PRELID2: variants seen among roughly 807,000 people sequenced by gnomAD.
PRELID2 encodes the protein PRELI domain containing 2, also known as PRELI domain-containing protein 2.
In PRELID2, 25 loss-of-function variants were observed where a neutral mutation model predicts 28.4. The ratio of observed to expected loss-of-function variants is 0.88; its 90% CI spans 0.64 to 1.23. The LOEUF is 1.23. Among genes scored for constraint, PRELID2 ranks in the 50% most tolerant of loss-of-function variants. The pLI, the probability that PRELID2 is intolerant of heterozygous loss-of-function variation, is 0.00. For synonymous variants in PRELID2, 76 were observed against 71.6 expected (o/e 1.06, Z -0.31); for missense variants, 201 against 214.4 (o/e 0.94, Z 0.39).
chr5:145,460,141 G>A, the PRELID2 span, among the ~76,000 whole-genome samples: 1 of 152,234 alleles, frequency 6.6e-6, no homozygotes, highest in East Asian at 1.9e-4. Flanking sequence ...ATGACCAAGA[G>A]TTATCACAAT....
chr5:145,407,487 C>T, the PRELID2 span, among the ~76,000 whole-genome samples: 4 of 152,112 alleles, frequency 2.6e-5, no homozygotes, highest in African/African-American at 9.7e-5. Flanking sequence ...CTCAGACATG[C>T]CTAACCCTGC....
chr5:145,624,380 T>A (rs1316861258), intron 1 of PRELID2, among the ~76,000 whole-genome samples: 1 of 152,204 alleles, frequency 6.6e-6, no homozygotes, highest in African/African-American at 2.4e-5. Flanking sequence ...CTTCTAATCA[T>A]GTCTTGGTCT....
intron 1 of PRELID2, among the ~76,000 whole-genome samples, chr5:145,741,947 ATTTATTAT>A (rs1561568803): frequency 3.0e-4 from 2 of 6,618 alleles, no homozygotes; most frequent in Non-Finnish European, 1.8e-3. Flanking sequence ...AAATAAATAA[ATTTATTAT>A]AATTAAATAA....
the PRELID2 span, among the ~76,000 whole-genome samples, chr5:145,291,062 G>A: frequency 4.8e-4 from 73 of 151,708 alleles, no homozygotes; most frequent in Admixed American, 7.9e-4. Flanking sequence ...AAAAGGGGTC[G>A]GACGCGGTGG....
intron 5 of PRELID2, among the ~76,000 whole-genome samples, chr5:145,770,803 T>C (rs371850546): frequency 1.2e-4 from 19 of 152,176 alleles, no homozygotes; most frequent in East Asian, 7.7e-4. Flanking sequence ...TAAAGCAAAA[T>C]ACTTTTGCAT....
chr5:145,332,481 C>G, the PRELID2 span, among the ~76,000 whole-genome samples: 2 of 151,870 alleles, frequency 1.3e-5, no homozygotes, highest in Non-Finnish European at 2.9e-5. Context: ...ATTCTTTTTT[C>G]TCTAATCCTG....
chr5:145,369,089 A>G, the PRELID2 span, among the ~76,000 whole-genome samples: 1,444 of 151,900 alleles, frequency 9.5e-3, 20 homozygotes, highest in African/African-American at 0.033. Flanking sequence ...TTCCTGTGTT[A>G]ATTTGCTAAA....
chr5:145,402,056 T>C, the PRELID2 span, among the ~76,000 whole-genome samples: 3 of 152,304 alleles, frequency 2.0e-5, no homozygotes, highest in East Asian at 5.8e-4. Context: ...TGAGGCGCCT[T>C]ATTCATCACC....
intron 1 of PRELID2, among the ~76,000 whole-genome samples, chr5:145,510,432 C>T (rs961784105): frequency 2.0e-5 from 3 of 152,174 alleles, no homozygotes; most frequent in Admixed American, 1.3e-4. Flanking sequence ...GAGGGCTCTT[C>T]CTAGCGGCCT....
intron 1 of PRELID2, among the ~76,000 whole-genome samples, chr5:145,525,240 A>G (rs146457895): frequency 6.6e-6 from 1 of 152,306 alleles, no homozygotes; most frequent in Non-Finnish European, 1.5e-5. Context: ...AAATTAGGCC[A>G]ATCTCACAGC....
At chr5:145,261,612 C>T in the PRELID2 span, among the ~76,000 whole-genome samples, 3 of 152,162 alleles carry the variant, frequency 2.0e-5, no homozygotes, top group Non-Finnish European at 1.5e-5. Flanking sequence ...CAGTTCAGCT[C>T]TCAGGAATTC....
intron 1 of PRELID2, among the ~76,000 whole-genome samples, chr5:145,488,034 G>A (rs1043227800): frequency 8.3e-5 from 12 of 144,532 alleles, no homozygotes; most frequent in African/African-American, 3.1e-4. Context: ...TGAGGCAGGA[G>A]AATCGCTTGA....
At chr5:145,681,475 A>G (rs1279928059) in intron 1 of PRELID2, among the ~76,000 whole-genome samples, 3 of 152,196 alleles carry the variant, frequency 2.0e-5, no homozygotes, top group Admixed American at 6.5e-5. Context: ...ATAAATGTTT[A>G]TGAAGGCTCT....
intron 1 of PRELID2, among the ~76,000 whole-genome samples, chr5:145,622,682 T>C (rs1354364577): frequency 6.6e-6 from 1 of 152,158 alleles, no homozygotes; most frequent in Non-Finnish European, 1.5e-5. Context: ...TATTTGAACT[T>C]TCTTTAGTTA....
chr5:145,631,469 A>G lies in PRELID2; in HGVS notation n.70+133462T>C, dbSNP rs575066313. ...ACATTTACAAAGTGGGAATCGCAAT[A>G]TCTTTCTTCCTTATCCTACAGGCTT... On this transcript the variant is annotated intron_variant and non_coding_transcript_variant, in intron 1 of 2. Coordinates refer to the PRELID2 transcript ENST00000510259. 7.7e-4 allele frequency among the ~76,000 whole-genome samples: 117 copies of G among 152,308 alleles called. 4 individuals are homozygous for G. The South Asian group carries it at 0.015, about 19-fold the overall frequency.
At chr5:145,617,778 G>C (rs1753720170) in intron 1 of PRELID2, among the ~76,000 whole-genome samples, 1 of 150,708 alleles carries the variant, frequency 6.6e-6, no homozygotes, top group African/African-American at 2.4e-5. Context: ...TTATTGCCCA[G>C]GCTGGAGTGA....
rs1480185675 is a variant in PRELID2 at position 145,835,268 on chromosome 5, C to T, written c.-17G>A. On this transcript the variant is annotated 5_prime_UTR_variant, in exon 1 of 7. Coordinates refer to ENST00000683046, the MANE Select transcript of PRELID2 (RefSeq NM_205846.3). ...GACCCCCATCCCCGCGCGCCGCGGGCCCCGCGCACCGGCCACGCCTCCGCG... is the reference window on the plus strand; with the variant it reads ...GACCCCCATCCCCGCGCGCCGCGGGTCCCGCGCACCGGCCACGCCTCCGCG... 12 of 1,534,380 alleles carry T rather than the reference C, an allele frequency of 7.8e-6. No homozygotes were observed. The Admixed American group carries it at 1.6e-4, about 20-fold the overall frequency.
chr5:145,446,718 G>A, the PRELID2 span, among the ~76,000 whole-genome samples: 1 of 151,996 alleles, frequency 6.6e-6, no homozygotes, highest in Non-Finnish European at 1.5e-5. Context: ...CGATTAAAAT[G>A]GAAATACAGC....
At chr5:145,396,471 C>T in the PRELID2 span, among the ~76,000 whole-genome samples, 2 of 131,090 alleles carry the variant, frequency 1.5e-5, no homozygotes, top group African/African-American at 5.7e-5. Flanking sequence ...ATGACATTTA[C>T]ATTTTTCACA....
Sources: allele counts gnomAD v4.1 joint callset (sites outside exome capture counted in the v4.1 genomes callset), GRCh38; gene constraint gnomAD v4.1.1; transcripts MANE v1.5; gene names NCBI Gene and HGNC (gene_info 2026-07-23, HGNC 2026-07-21).